Variants in FAM184B observed in about 807,000 individuals in gnomAD.
The protein encoded by FAM184B is family with sequence similarity 184 member B.
FAM184B carries 111 observed loss-of-function variants against 135.9 expected under a neutral mutation model. The ratio of observed to expected loss-of-function variants is 0.82; its 90% CI spans 0.70 to 0.96. The LOEUF (loss-of-function observed/expected upper bound fraction) is 0.96, where lower values mean the gene tolerates loss of function less well. Ranked by LOEUF, FAM184B falls within the 40% of genes least tolerant of loss-of-function variation. The pLI is 0.00. For missense variants in FAM184B, 1,375 were observed against 1,323.9 expected, an observed-to-expected ratio of 1.04 and a Z score of -0.60; for synonymous variants, 552 against 524.8, an observed-to-expected ratio of 1.05 and a Z score of -0.71.
chr4:17,738,824 ACT>A (rs1277218374), intron 1 of FAM184B, among the ~76,000 whole-genome samples: 1 of 151,706 alleles, frequency 6.6e-6, no homozygotes, highest in African/African-American at 2.4e-5. Context: ...GTGAGTTTTC[ACT>A]CTATTATTAT....
At chr4:17,746,888 A>C (rs1481425147) in intron 1 of FAM184B, among the ~76,000 whole-genome samples, 1 of 151,542 alleles carries the variant, frequency 6.6e-6, no homozygotes, top group Admixed American at 6.6e-5. Flanking sequence ...AAATACAAAA[A>C]TTAGCTGGTT....
In FAM184B at chr4:17,652,959, CCTT is replaced by C; in HGVS notation, c.2059_2061del (p.Lys687del). 6.4e-7 allele frequency: 1 copy of C among 1,551,708 alleles called. No individual in the cohort carries two copies. Among genetic ancestry groups the C allele is most frequent in the Non-Finnish European group, 8.7e-7 (1 of 1,146,986 alleles). On this transcript the variant is annotated inframe_deletion, in exon 11 of 18. Transcript: ENST00000265018. The stretch of plus-strand genomic sequence containing the variant: ...TGGATCTGGAGGCTGTGGCTGGATT[CCTT>C]CTTCAAGCGTTCCTCTGTGGCCTGT...
rs1027783928 is a variant in FAM184B at position 17,705,688 on chromosome 4, C to T, written c.1170+64G>A. 82 of 1,531,914 alleles carry T rather than the reference C, an allele frequency of 5.4e-5. No individual in the cohort carries two copies. The African/African-American group carries it at 5.4e-4, about 10-fold the overall frequency. The allele number at this position is 1,531,914 out of a possible 1,614,324, so 94.9% of individuals were successfully genotyped here. The stretch of plus-strand genomic sequence containing the variant: ...TGCTTGGGGACTGGCCTCTACCTGA[C>T]GCTTATAATAGATAGCAAAGCTCTC... On this transcript the variant is annotated intron_variant, in intron 4 of 17. Coordinates refer to ENST00000265018, the MANE Select transcript of FAM184B (RefSeq NM_015688.2).
intron 1 of FAM184B, among the ~76,000 whole-genome samples, chr4:17,710,991 G>A (rs1223635711): frequency 3.3e-5 from 5 of 152,170 alleles, no homozygotes; most frequent in Admixed American, 3.3e-4. Context: ...GGAGAGTTTT[G>A]TTGCTGTTTG....
intron 14 of FAM184B, among the ~76,000 whole-genome samples, chr4:17,637,217 C>G (rs570610436): frequency 6.6e-6 from 1 of 152,158 alleles, no homozygotes; most frequent in African/African-American, 2.4e-5. Flanking sequence ...TTAGAGGAGA[C>G]GGGGTTTCAC....
intron 7 of FAM184B, among the ~76,000 whole-genome samples, chr4:17,671,957 A>G (rs201803801): frequency 2.7e-5 from 4 of 149,862 alleles, no homozygotes; most frequent in African/African-American, 9.7e-5. Context: ...ATGCAAAAAG[A>G]AAAAAGAAGA....
chr4:17,635,051 G>A lies in FAM184B; in HGVS notation c.2847C>T (p.Phe949=), dbSNP rs1378502465. Residue 949 remains phenylalanine, a synonymous_variant, in exon 16 of 18, where the codon TTC becomes TTT. Coordinates refer to ENST00000265018, the MANE Select transcript of FAM184B (RefSeq NM_015688.2). Reference sequence around the variant, plus strand: ...AATATCCCGGGTGAGGATTGAAAGAGAAAGACCGATTCCGGTGGGACATGG... The same window carrying A: ...AATATCCCGGGTGAGGATTGAAAGAAAAAGACCGATTCCGGTGGGACATGG... ...PSAMSHRNRS[F]SFNPHPGYLT... 1.3e-6 allele frequency: 2 copies of A among 1,551,862 alleles called. No homozygotes were observed. Among genetic ancestry groups the A allele is most frequent in the South Asian group, 1.2e-5 (1 of 84,052 alleles).
chr4:17,667,642 C>T (rs934893022), intron 7 of FAM184B, among the ~76,000 whole-genome samples: 4 of 152,186 alleles, frequency 2.6e-5, no homozygotes, highest in Non-Finnish European at 4.4e-5. Context: ...CCCTTATCTT[C>T]CCCCTGGGGT....
At chr4:17,677,182 G>A (rs2108950651) in intron 7 of FAM184B, among the ~76,000 whole-genome samples, 1 of 152,040 alleles carries the variant, frequency 6.6e-6, no homozygotes, top group Admixed American at 6.6e-5. Context: ...CAAGTAGCTG[G>A]GACTACAGGT....
chr4:17,634,614 G>A (rs1166406830), intron 16 of FAM184B, among the ~76,000 whole-genome samples: 1 of 152,174 alleles, frequency 6.6e-6, no homozygotes, highest in Non-Finnish European at 1.5e-5. Flanking sequence ...GTGAGCCATT[G>A]CACCCAGCCA....
intron 1 of FAM184B, among the ~76,000 whole-genome samples, chr4:17,734,687 G>A (rs1717867073): frequency 6.7e-6 from 1 of 150,036 alleles, no homozygotes; most frequent in Non-Finnish European, 1.5e-5. Flanking sequence ...AACAACAGGT[G>A]CTGGAGAGGA....
At position 17,660,105 on chromosome 4, in the gene FAM184B, C is replaced by G. The variant is rs906933127; in HGVS notation, c.1695-18G>C. 4 of 1,550,606 alleles carry G rather than the reference C, an allele frequency of 2.6e-6. No homozygotes were observed. Among genetic ancestry groups the G allele is most frequent in the Non-Finnish European group, 8.7e-7 (1 of 1,146,506 alleles). On this transcript the variant is annotated intron_variant, in intron 8 of 17. Coordinates refer to ENST00000265018, the MANE Select transcript of FAM184B (RefSeq NM_015688.2). ...CTTTGGTCCTTTGAAGATAAGGATG[C>G]CACAATCACAAAAGATCCTAGGGCT...
intron 7 of FAM184B, among the ~76,000 whole-genome samples, chr4:17,673,939 C>T (rs1191513671): frequency 6.6e-6 from 1 of 151,706 alleles, no homozygotes; most frequent in Non-Finnish European, 1.5e-5. Flanking sequence ...AAAACAACAA[C>T]AACAAACAAA....
chr4:17,683,177 G>C (rs913213612), intron 7 of FAM184B, among the ~76,000 whole-genome samples: 1 of 152,030 alleles, frequency 6.6e-6, no homozygotes, highest in Non-Finnish European at 1.5e-5. Flanking sequence ...TTTTCTAATT[G>C]GCAAAGTTCA....
At chr4:17,658,041 C>T (rs1467005498) in intron 10 of FAM184B, among the ~76,000 whole-genome samples, 1 of 152,146 alleles carries the variant, frequency 6.6e-6, no homozygotes, top group Non-Finnish European at 1.5e-5. Context: ...TTCATGTACG[C>T]CACTGCTCTA....
rs184310232 is a variant in FAM184B at position 17,730,156 on chromosome 4, A to G, written c.142-20512T>C. ...GAGCCAATGTGATCAACTGGAAGAA[A>G]GGGTATCAGTAATGGAAGACGAAAT... On this transcript the variant is annotated intron_variant, in intron 1 of 17. Transcript: ENST00000265018. Among the ~76,000 whole-genome samples the G allele has an allele frequency of 4.0e-3, 607 of 152,358 alleles. 21 individuals carry two copies. In the East Asian group the frequency reaches 0.073, roughly 18 times the overall value.
intron 1 of FAM184B, among the ~76,000 whole-genome samples, chr4:17,729,745 C>A (rs1717731491): frequency 6.6e-6 from 1 of 152,142 alleles, no homozygotes; most frequent in African/African-American, 2.4e-5. Context: ...AAAGGACATC[C>A]ACACCAAAAA....
intron 12 of FAM184B, among the ~76,000 whole-genome samples, chr4:17,643,742 C>A (rs1560165960): frequency 6.6e-6 from 1 of 152,214 alleles, no homozygotes; most frequent in Non-Finnish European, 1.5e-5. Flanking sequence ...ACACATGATT[C>A]CCATGTCCCC....
intron 8 of FAM184B, among the ~76,000 whole-genome samples, chr4:17,664,314 A>C (rs932806903): frequency 4.6e-5 from 7 of 152,178 alleles, no homozygotes; most frequent in African/African-American, 1.7e-4. Flanking sequence ...AGGTTTGCTA[A>C]CTTCTTTGAG....
Sources: gnomAD v4.1 joint callset for allele counts (sites outside exome capture counted in the v4.1 genomes callset) on GRCh38, gnomAD v4.1.1 for gene constraint, MANE v1.5 for transcripts, NCBI Gene and HGNC (gene_info 2026-07-23, HGNC 2026-07-21) for gene names.